Variants in TP63 observed in about 807,000 individuals in gnomAD.
TP63 encodes tumor protein 63.
In TP63, 17 loss-of-function variants were observed where a neutral mutation model predicts 82.8. The ratio of observed to expected loss-of-function variants is 0.21; its 90% confidence interval spans 0.14 to 0.31. The LOEUF is 0.31. TP63 is among the 10% of genes least tolerant of loss of function. TP63 has a pLI of 1.00. For missense variants in TP63, 648 were observed against 895.3 expected (o/e 0.72, Z 3.52); for synonymous variants, 330 against 321.7 (o/e 1.03, Z -0.28).
At chr3:189,834,372 A>G (rs7619370) in intron 4 of TP63, among the ~76,000 whole-genome samples, 60,977 of 151,878 alleles carry the variant, frequency 0.4, 12,471 homozygotes, top group East Asian at 0.54. Context: ...GAGGAAAGAC[A>G]GGGGAAATTA....
chr3:189,855,299 A>AT (rs1424608696), intron 4 of TP63, among the ~76,000 whole-genome samples: 1 of 152,174 alleles, frequency 6.6e-6, no homozygotes, highest in African/African-American at 2.4e-5. Flanking sequence ...GTGCCACTTT[A>AT]TTTTTTAAAA....
At chr3:189,845,207 C>T (rs997710966) in intron 4 of TP63, among the ~76,000 whole-genome samples, 9 of 152,106 alleles carry the variant, frequency 5.9e-5, no homozygotes, top group Admixed American at 5.2e-4. Flanking sequence ...TGAGATAGTA[C>T]AGACAACACT....
At chr3:189,734,511 G>T (rs1340416215) in intron 1 of TP63, among the ~76,000 whole-genome samples, 1 of 152,046 alleles carries the variant, frequency 6.6e-6, no homozygotes, top group African/African-American at 2.4e-5. Context: ...TTCCCCAGTG[G>T]TATAAGCTGG....
chr3:189,776,691 G>A (rs1370127605), intron 3 of TP63, among the ~76,000 whole-genome samples: 2 of 152,154 alleles, frequency 1.3e-5, no homozygotes, highest in Non-Finnish European at 2.9e-5. Context: ...TCTCTAATTA[G>A]CCCTGCAGGT....
At chr3:189,846,634 G>C (rs1233768394) in intron 4 of TP63, among the ~76,000 whole-genome samples, 1 of 132,170 alleles carries the variant, frequency 7.6e-6, no homozygotes, top group Non-Finnish European at 1.6e-5. Context: ...GTGTGTGTGT[G>C]TGTGTGTGTG....
At chr3:189,880,811 T>C (rs1303957144) in intron 10 of TP63, 2 of 985,436 alleles carry the variant, frequency 2.0e-6, no homozygotes, top group East Asian at 1.1e-4. Flanking sequence ...GCATTATTTG[T>C]GTCCTCCCCT....
chr3:189,771,319 T>C (rs1216857180), intron 3 of TP63, among the ~76,000 whole-genome samples: 2 of 137,592 alleles, frequency 1.5e-5, no homozygotes, highest in East Asian at 3.9e-4. Context: ...TAATATATTA[T>C]ATATTTATAT....
intron 4 of TP63, among the ~76,000 whole-genome samples, chr3:189,851,436 G>T (rs1340383709): frequency 6.6e-6 from 1 of 152,108 alleles, no homozygotes; most frequent in Non-Finnish European, 1.5e-5. Flanking sequence ...TTAACCGGGC[G>T]TAGTGGTGGG....
At chr3:189,618,132 G>A in the TP63 span, among the ~76,000 whole-genome samples, 1 of 152,146 alleles carries the variant, frequency 6.6e-6, no homozygotes, top group African/African-American at 2.4e-5. Flanking sequence ...CAAGTGAGGG[G>A]CCCTTCTAAG....
At chr3:189,866,502 A>G (rs1463486920) in intron 5 of TP63, among the ~76,000 whole-genome samples, 180 bp from the exon 6 acceptor site, 1 of 152,172 alleles carries the variant, frequency 6.6e-6, no homozygotes, top group African/African-American at 2.4e-5. Flanking sequence ...TATAAAGGTT[A>G]TGACACCTTC....
chr3:189,848,966 C>A (rs1275262664), intron 4 of TP63, among the ~76,000 whole-genome samples: 1 of 152,090 alleles, frequency 6.6e-6, no homozygotes, highest in African/African-American at 2.4e-5. Flanking sequence ...TCAGCCCCAC[C>A]CCCCAGCCTC....
intron 9 of TP63, among the ~76,000 whole-genome samples, chr3:189,871,775 G>A (rs1718445854): frequency 1.3e-5 from 2 of 152,174 alleles, no homozygotes; most frequent in Admixed American, 1.3e-4. Flanking sequence ...AGGTTGGAGT[G>A]TAGTGGCAGG....
At chr3:189,726,017 T>C (rs576774318) in intron 1 of TP63, among the ~76,000 whole-genome samples, 4 of 132,364 alleles carry the variant, frequency 3.0e-5, no homozygotes, top group African/African-American at 5.7e-5. Flanking sequence ...ATCATGCCAT[T>C]GCACTCCAGC....
At chr3:189,832,099 G>A (rs576843807) in intron 4 of TP63, among the ~76,000 whole-genome samples, 50 of 152,116 alleles carry the variant, frequency 3.3e-4, no homozygotes, top group African/African-American at 9.6e-4. Flanking sequence ...CAAAGTGCTA[G>A]GATTACAGGC....
intron 4 of TP63, among the ~76,000 whole-genome samples, chr3:189,817,899 G>C (rs1261616915): frequency 2.6e-5 from 4 of 151,716 alleles, no homozygotes; most frequent in Non-Finnish European, 5.9e-5. Context: ...ACTGGGTCAT[G>C]AGAAGAAAAA....
chr3:189,689,262 C>T (rs186148939), intron 1 of TP63, among the ~76,000 whole-genome samples: 5 of 151,638 alleles, frequency 3.3e-5, no homozygotes, highest in East Asian at 1.9e-4. Flanking sequence ...ATTACAGGCA[C>T]GTGCCACACT....
At position 189,650,483 on chromosome 3, in the gene TP63, A is replaced by T. The variant is rs536863855; in HGVS notation, c.62+18906A>T. On this transcript the variant is annotated intron_variant, in intron 1 of 13. Coordinates refer to ENST00000264731, the MANE Select transcript of TP63 (RefSeq NM_003722.5). ...GTGGAGAAGATTGAATCATGGGGGC[A>T]GTTTCCCCCATCCTGTTCTCATGAT... Among the ~76,000 whole-genome samples, 5 of 146,368 alleles carry T rather than the reference A, an allele frequency of 3.4e-5. 1 individual carries two copies. The highest frequency in any genetic ancestry group is 1.3e-4 in the African/African-American group (5 of 39,060).
At chr3:189,879,567 G>C (rs1194777450) in intron 10 of TP63, among the ~76,000 whole-genome samples, 1 of 152,116 alleles carries the variant, frequency 6.6e-6, no homozygotes, top group Non-Finnish European at 1.5e-5. Context: ...GGCTAGACAA[G>C]AACTGTAATG....
At chr3:189,702,061 A>G (rs1027898933) in intron 1 of TP63, among the ~76,000 whole-genome samples, 4 of 152,180 alleles carry the variant, frequency 2.6e-5, no homozygotes, top group Non-Finnish European at 5.9e-5. Context: ...TGAGTTGGCC[A>G]GAGAATTCTT....
Sources: allele counts gnomAD v4.1 joint callset (sites outside exome capture counted in the v4.1 genomes callset), GRCh38; gene constraint gnomAD v4.1.1; transcripts MANE v1.5; gene names NCBI Gene and HGNC (gene_info 2026-07-23, HGNC 2026-07-21).